The following TRAPPC9 variants were observed in gnomAD, a reference collection of about 807,000 sequenced individuals.
TRAPPC9 encodes the protein trafficking protein particle complex subunit 9.
A neutral mutation model predicts 124.0 loss-of-function variants in TRAPPC9; 83 were observed. The ratio of observed to expected loss-of-function variants is 0.67; its 90% CI spans 0.56 to 0.80. The LOEUF is 0.80. TRAPPC9 is among the 30% of genes least tolerant of loss of function. TRAPPC9 has a pLI of 0.00. For missense variants in TRAPPC9, 1,302 were observed against 1,508.3 expected (o/e 0.86, Z 2.27); for synonymous variants, 638 against 617.5 (o/e 1.03, Z -0.49).
At chr8:140,161,147 A>G (rs1041468935) in intron 17 of TRAPPC9, among the ~76,000 whole-genome samples, 1 of 152,022 alleles carries the variant, frequency 6.6e-6, no homozygotes, top group Non-Finnish European at 1.5e-5. Flanking sequence ...ATCTCCCCCA[A>G]CCCTTCAGCA....
intron 21 of TRAPPC9, among the ~76,000 whole-genome samples, chr8:139,775,729 C>T (rs1357970034): frequency 6.6e-6 from 1 of 152,226 alleles, no homozygotes; most frequent in African/African-American, 2.4e-5. Context: ...TGGCCACTTC[C>T]CTCTTTTCGT....
intron 9 of TRAPPC9, among the ~76,000 whole-genome samples, chr8:140,358,240 C>T (rs1489074208): frequency 1.3e-5 from 2 of 152,176 alleles, no homozygotes; most frequent in Admixed American, 1.3e-4. Context: ...GAATTTCACT[C>T]TTATCGCCCA....
At chr8:140,389,785 T>C (rs753176900) in intron 7 of TRAPPC9, among the ~76,000 whole-genome samples, 1 of 151,352 alleles carries the variant, frequency 6.6e-6, no homozygotes, top group African/African-American at 2.4e-5. Flanking sequence ...TTCTGCCTCA[T>C]TGTAAAAAAG....
At chr8:140,256,647 C>T (rs996136971) in intron 15 of TRAPPC9, among the ~76,000 whole-genome samples, 5 of 152,148 alleles carry the variant, frequency 3.3e-5, no homozygotes, top group African/African-American at 7.2e-5. Flanking sequence ...GGTGCCGACA[C>T]ATCTGTGGGC....
intron 21 of TRAPPC9, among the ~76,000 whole-genome samples, chr8:139,759,994 CT>C (rs1820111154): frequency 6.6e-6 from 1 of 152,260 alleles, no homozygotes; most frequent in Admixed American, 6.5e-5. Context: ...GCCCAGGCCC[CT>C]GCACCAGCAC....
chr8:139,964,624 G>A (rs77001053), intron 19 of TRAPPC9, among the ~76,000 whole-genome samples: 4,742 of 152,156 alleles, frequency 0.031, 245 homozygotes, highest in African/African-American at 0.11. Context: ...AAGGGACTTC[G>A]GAGGTATTTC....
At chr8:140,270,890 G>A (rs963343263) in intron 15 of TRAPPC9, among the ~76,000 whole-genome samples, 6 of 152,234 alleles carry the variant, frequency 3.9e-5, no homozygotes, top group African/African-American at 1.4e-4. Flanking sequence ...ACACAGGGCC[G>A]CGGGGGCCAG....
chr8:139,767,921 T>C (rs1820689524), intron 21 of TRAPPC9, among the ~76,000 whole-genome samples: 1 of 152,250 alleles, frequency 6.6e-6, no homozygotes, highest in Non-Finnish European at 1.5e-5. Context: ...GTAATATTTA[T>C]GGAGGGCAAC....
chr8:140,064,384 A>C (rs764565373), intron 17 of TRAPPC9, among the ~76,000 whole-genome samples: 3 of 152,206 alleles, frequency 2.0e-5, no homozygotes, highest in Non-Finnish European at 4.4e-5. Flanking sequence ...ACAGAAAAGC[A>C]CAGGAGCGAC....
chr8:139,753,442 C>T (rs1217118165), intron 21 of TRAPPC9, among the ~76,000 whole-genome samples: 3 of 152,232 alleles, frequency 2.0e-5, no homozygotes, highest in African/African-American at 7.2e-5. Flanking sequence ...CTTCCTCCCT[C>T]CCTTTATTCA....
intron 17 of TRAPPC9, among the ~76,000 whole-genome samples, chr8:140,036,253 A>C (rs1255144356): frequency 3.3e-5 from 5 of 152,100 alleles, no homozygotes; most frequent in African/African-American, 4.8e-5. Context: ...CTCTGGCTGC[A>C]ACATGGAAGA....
At chr8:140,003,101 A>C (rs1334938821) in intron 18 of TRAPPC9, among the ~76,000 whole-genome samples, 1 of 152,184 alleles carries the variant, frequency 6.6e-6, no homozygotes, top group Non-Finnish European at 1.5e-5. Context: ...TACAAATTAC[A>C]TACCAGATAA....
At chr8:139,920,740 G>GC (rs1193773965) in intron 19 of TRAPPC9, among the ~76,000 whole-genome samples, 10 of 152,238 alleles carry the variant, frequency 6.6e-5, no homozygotes, top group Non-Finnish European at 1.2e-4. Flanking sequence ...TGCTACCACA[G>GC]CAACTGCCTA....
At chr8:139,901,306 T>C (rs954586686) in intron 20 of TRAPPC9, among the ~76,000 whole-genome samples, 7 of 152,190 alleles carry the variant, frequency 4.6e-5, no homozygotes, top group South Asian at 4.1e-4. Flanking sequence ...AATTAGCAAA[T>C]TGTCATAAAT....
intron 21 of TRAPPC9, 52 bp from the exon 22 acceptor site, chr8:139,732,254 C>T (rs768440668): frequency 7.3e-5 from 108 of 1,476,130 alleles, no homozygotes; most frequent in Middle Eastern, 2.4e-4. Flanking sequence ...ACGGCCCAGC[C>T]GGCCTACCCC....
At chr8:140,329,790 C>T (rs2066847737) in intron 9 of TRAPPC9, among the ~76,000 whole-genome samples, 1 of 152,062 alleles carries the variant, frequency 6.6e-6, no homozygotes, top group African/African-American at 2.4e-5. Context: ...TATATTCAAA[C>T]TCAATACCGG....
At chr8:139,815,735 A>G (rs1307099433) in intron 21 of TRAPPC9, among the ~76,000 whole-genome samples, 1 of 152,236 alleles carries the variant, frequency 6.6e-6, no homozygotes, top group Non-Finnish European at 1.5e-5. Flanking sequence ...ATTTCCTGAC[A>G]GGAGGGACTG....
At chr8:139,779,333 G>A (rs1821615163) in intron 21 of TRAPPC9, among the ~76,000 whole-genome samples, 1 of 152,136 alleles carries the variant, frequency 6.6e-6, no homozygotes, top group African/African-American at 2.4e-5. Context: ...TTCAGCAGCA[G>A]CAGACTCGCA....
chr8:139,809,631 T>C (rs1162661886), intron 21 of TRAPPC9, among the ~76,000 whole-genome samples: 1 of 152,166 alleles, frequency 6.6e-6, no homozygotes, highest in Non-Finnish European at 1.5e-5. Flanking sequence ...CCTGGCCTCC[T>C]GACAGCCCAG....
Sources: allele counts gnomAD v4.1 joint callset (sites outside exome capture counted in the v4.1 genomes callset), GRCh38; gene constraint gnomAD v4.1.1; transcripts MANE v1.5; gene names NCBI Gene and HGNC (gene_info 2026-07-23, HGNC 2026-07-21).